The following SGPP2 variants were observed in gnomAD, a reference collection of about 807,000 sequenced individuals.
The protein encoded by SGPP2 is sphingosine 1-phosphate phosphohydrolase 2.
In SGPP2, 30 loss-of-function variants were observed where a neutral mutation model predicts 33.9. The ratio of observed to expected loss-of-function variants is 0.89; its 90% CI spans 0.66 to 1.20. The LOEUF is 1.20. Among genes scored for constraint, SGPP2 ranks in the 50% most tolerant of loss-of-function variants. The pLI is 0.00. For missense variants in SGPP2, 458 were observed against 532.1 expected, an observed-to-expected ratio of 0.86 and a Z score of 1.37; for synonymous variants, 233 against 225.0, an observed-to-expected ratio of 1.04 and a Z score of -0.32.
intron 2 of SGPP2, among the ~76,000 whole-genome samples, chr2:222,515,076 C>G (rs1698583803): frequency 6.6e-6 from 1 of 151,458 alleles, no homozygotes; most frequent in African/African-American, 2.4e-5. Flanking sequence ...CTACTGCTGA[C>G]TTACATCATA....
At chr2:222,487,463 C>G (rs138951788) in intron 2 of SGPP2, among the ~76,000 whole-genome samples, 21 of 152,282 alleles carry the variant, frequency 1.4e-4, no homozygotes, top group African/African-American at 4.6e-4. Flanking sequence ...CAGGGCCCCT[C>G]TCATTTGGAA....
At chr2:222,462,523 T>C (rs959571993) in intron 1 of SGPP2, among the ~76,000 whole-genome samples, 2 of 152,080 alleles carry the variant, frequency 1.3e-5, no homozygotes, top group Non-Finnish European at 2.9e-5. Context: ...TCTAGACAGG[T>C]AAAAAGCTAA....
chr2:222,543,827 G>A (rs905561542), intron 4 of SGPP2, among the ~76,000 whole-genome samples: 2 of 152,102 alleles, frequency 1.3e-5, no homozygotes, highest in African/African-American at 2.4e-5. Flanking sequence ...CACTATTCTT[G>A]TATTCTCATA....
chr2:222,539,264 G>T (rs959580778), intron 4 of SGPP2, among the ~76,000 whole-genome samples: 1 of 152,228 alleles, frequency 6.6e-6, no homozygotes, highest in African/African-American at 2.4e-5. Context: ...AAACCCATCA[G>T]GGCAGCCATT....
chr2:222,499,027 G>C (rs1698326555), intron 2 of SGPP2, among the ~76,000 whole-genome samples: 1 of 152,336 alleles, frequency 6.6e-6, no homozygotes, highest in East Asian at 1.9e-4. Context: ...AAAGTACAAA[G>C]CCATCTTTGA....
At position 222,561,194 on chromosome 2, in the gene SGPP2, T is replaced by C. The variant is rs571283371; in HGVS notation, c.*2296T>C. On this transcript the variant is annotated 3_prime_UTR_variant, in exon 5 of 5. Transcript: ENST00000321276. Reference sequence around the variant, plus strand: ...TATAGTTAGAAGGCAAAGATCAAGATGACCTGCCGTTTGACTGCTTTTACA... The same window carrying C: ...TATAGTTAGAAGGCAAAGATCAAGACGACCTGCCGTTTGACTGCTTTTACA... Among the ~76,000 whole-genome samples, 1 of 152,134 alleles carries C rather than the reference T, an allele frequency of 6.6e-6. No individual in the cohort carries two copies. The highest frequency in any genetic ancestry group is 1.5e-5 in the Non-Finnish European group (1 of 68,032).
chr2:222,548,549 A>AT, intron 4 of SGPP2, among the ~76,000 whole-genome samples: 1 of 152,336 alleles, frequency 6.6e-6, no homozygotes, highest in Admixed American at 6.5e-5. Context: ...GAGGACGGTC[A>AT]TGACATGGAA....
chr2:222,523,612 C>A (rs1286048579), intron 3 of SGPP2, among the ~76,000 whole-genome samples: 1 of 152,110 alleles, frequency 6.6e-6, no homozygotes, highest in East Asian at 1.9e-4. Flanking sequence ...TTGTGAATTT[C>A]TTTCCTATTT....
At chr2:222,435,160 G>T (rs2106060654) in intron 1 of SGPP2, among the ~76,000 whole-genome samples, 1 of 151,808 alleles carries the variant, frequency 6.6e-6, no homozygotes, top group Middle Eastern at 3.4e-3. Flanking sequence ...GCAGGCTGAG[G>T]AACAAGGAGA....
intron 4 of SGPP2, among the ~76,000 whole-genome samples, 174 bp from the exon 5 acceptor site, chr2:222,558,173 G>A (rs772869267): frequency 2.0e-5 from 3 of 152,166 alleles, no homozygotes; most frequent in African/African-American, 7.2e-5. Flanking sequence ...GCATTTTTTC[G>A]TATTTTCACT....
intron 4 of SGPP2, among the ~76,000 whole-genome samples, chr2:222,546,639 C>T (rs1324173306): frequency 6.6e-6 from 1 of 152,108 alleles, no homozygotes; most frequent in Non-Finnish European, 1.5e-5. Context: ...TGACAAAGGG[C>T]TGGGATAGAT....
At chr2:222,557,436 TAG>T (rs1282665615) in intron 4 of SGPP2, among the ~76,000 whole-genome samples, 1 of 152,170 alleles carries the variant, frequency 6.6e-6, no homozygotes, top group African/African-American at 2.4e-5. Flanking sequence ...GTCATTGTAT[TAG>T]ACACTAAGCA....
At chr2:222,451,704 A>G (rs34060920) in intron 1 of SGPP2, among the ~76,000 whole-genome samples, 18 of 152,256 alleles carry the variant, frequency 1.2e-4, no homozygotes, top group Non-Finnish European at 2.5e-4. Context: ...GTAAAGGAAG[A>G]TAAATATCAA....
intron 1 of SGPP2, among the ~76,000 whole-genome samples, chr2:222,463,167 T>C (rs1697691436): frequency 6.6e-6 from 1 of 152,236 alleles, no homozygotes. Flanking sequence ...TCTTCCATTC[T>C]GTCCCCACTT....
intron 1 of SGPP2, among the ~76,000 whole-genome samples, chr2:222,457,251 G>A (rs1434620741): frequency 1.3e-5 from 2 of 151,922 alleles, no homozygotes; most frequent in Non-Finnish European, 2.9e-5. Context: ...ACAAGTTTAA[G>A]ATGTTTCTTG....
At chr2:222,523,649 T>C (rs1212775379) in intron 3 of SGPP2, among the ~76,000 whole-genome samples, 1 of 152,152 alleles carries the variant, frequency 6.6e-6, no homozygotes, top group African/African-American at 2.4e-5. Flanking sequence ...TGTATTTAGC[T>C]AGCTGTTTGC....
At chr2:222,516,449 G>T (rs564390552) in intron 2 of SGPP2, among the ~76,000 whole-genome samples, 23 of 152,280 alleles carry the variant, frequency 1.5e-4, no homozygotes, top group Middle Eastern at 3.4e-3. Context: ...GTTGTTTCCA[G>T]TTTGGGGCTA....
chr2:222,465,164 G>A lies in SGPP2; in HGVS notation c.220-9404G>A, dbSNP rs1697726211. ...TGATGAGTGTGCAGTTCCCTCTCAA[G>A]CTGACTCCAATAAGTTGTCCTTACA... On this transcript the variant is annotated intron_variant, in intron 1 of 4. Coordinates refer to ENST00000321276, the MANE Select transcript of SGPP2 (RefSeq NM_152386.4). The surrounding 1 kb of genome is among the most constrained non-coding windows in gnomAD (Gnocchi z 4.1). Among the ~76,000 whole-genome samples the A allele has an allele frequency of 6.6e-6, 1 of 152,140 alleles. No homozygotes were observed. Among genetic ancestry groups the A allele is most frequent in the Non-Finnish European group, 1.5e-5 (1 of 68,034 alleles).
At chr2:222,529,515 A>G (rs1698808855) in intron 4 of SGPP2, among the ~76,000 whole-genome samples, 1 of 152,056 alleles carries the variant, frequency 6.6e-6, no homozygotes, top group Non-Finnish European at 1.5e-5. Context: ...TTGTATTTTT[A>G]GTAGAGGCGG....
Sources: gnomAD v4.1 joint callset for allele counts (sites outside exome capture counted in the v4.1 genomes callset) on GRCh38, gnomAD v4.1.1 for gene constraint, Gnocchi (gnomAD v3.1) non-coding constraint, MANE v1.5 for transcripts, NCBI Gene and HGNC (gene_info 2026-07-23, HGNC 2026-07-21) for gene names.